The following CNTNAP5 variants were observed in gnomAD, a reference collection of about 807,000 sequenced individuals.
CNTNAP5 encodes the protein contactin-associated protein-like 5.
Under a neutral mutation model 150.2 loss-of-function variants are expected in CNTNAP5, and 72 were observed. The ratio of observed to expected loss-of-function variants is 0.48; its 90% confidence interval spans 0.40 to 0.58. CNTNAP5 has a LOEUF of 0.58. Among genes scored for constraint, CNTNAP5 ranks in the 20% least tolerant of loss-of-function variants. The pLI, the probability that CNTNAP5 is intolerant of heterozygous loss-of-function variation, is 0.00. For synonymous variants in CNTNAP5, 672 were observed against 619.8 expected, an observed-to-expected ratio of 1.08 and a Z score of -1.25; for missense variants, 1,636 against 1,626.2, an observed-to-expected ratio of 1.01 and a Z score of -0.10.
At chr2:124,235,940 CTTATTTATTTATTTAT>C (rs60439622) in intron 2 of CNTNAP5, among the ~76,000 whole-genome samples, 19 of 145,128 alleles carry the variant, frequency 1.3e-4, no homozygotes, top group East Asian at 4.1e-4. Context: ...CAAGTTCCCA[CTTATTTATTTATTTAT>C]TTATTTATTT....
chr2:124,115,886 T>C (rs1282522691), intron 1 of CNTNAP5, among the ~76,000 whole-genome samples: 1 of 151,562 alleles, frequency 6.6e-6, no homozygotes, highest in Non-Finnish European at 1.5e-5. Context: ...CAAGCTATTC[T>C]TCTGCCTCAG....
At chr2:124,676,149 G>C (rs954754472) in intron 13 of CNTNAP5, among the ~76,000 whole-genome samples, 1 of 152,106 alleles carries the variant, frequency 6.6e-6, no homozygotes, top group African/African-American at 2.4e-5. Context: ...TTTCTTAAAT[G>C]CCCTGAACCA....
rs1174498793 is a variant in CNTNAP5, at chr2:124,527,902, T to G, written c.1649+446T>G. ...CCCGAAATGCCCAATAACACACAAC[T>G]ACTCCTGGGTTTGGCTGGTTTTTGC... On this transcript the variant is annotated intron_variant, in intron 10 of 23. Transcript: ENST00000682447. 2.0e-5 allele frequency among the ~76,000 whole-genome samples: 3 copies of G among 152,128 alleles called. No individual in the cohort carries two copies. In the East Asian group the frequency reaches 5.8e-4, roughly 29 times the overall value.
intron 6 of CNTNAP5, among the ~76,000 whole-genome samples, chr2:124,456,730 T>C (rs1279632698): frequency 1.3e-5 from 2 of 152,102 alleles, no homozygotes; most frequent in Admixed American, 6.6e-5. Flanking sequence ...CATCCACCAA[T>C]GGAACAGAAT....
chr2:124,725,036 T>C (rs995878406), intron 13 of CNTNAP5, among the ~76,000 whole-genome samples: 1 of 151,140 alleles, frequency 6.6e-6, no homozygotes, highest in African/African-American at 2.4e-5. Context: ...ATTGAGGACA[T>C]TTTCCGGCAA....
chr2:124,427,817 C>T (rs761286333), intron 4 of CNTNAP5, among the ~76,000 whole-genome samples: 23 of 151,978 alleles, frequency 1.5e-4, no homozygotes, highest in South Asian at 6.2e-4. Flanking sequence ...ACTCTAGTTC[C>T]GACCTGTTGA....
At chr2:124,072,324 A>G (rs1682327149) in intron 1 of CNTNAP5, among the ~76,000 whole-genome samples, 1 of 152,012 alleles carries the variant, frequency 6.6e-6, no homozygotes, top group South Asian at 2.1e-4. Flanking sequence ...GGAAAAAAAT[A>G]CAAGGATACC....
At chr2:124,891,051 G>A (rs1678184194) in intron 21 of CNTNAP5, among the ~76,000 whole-genome samples, 2 of 152,122 alleles carry the variant, frequency 1.3e-5, no homozygotes, top group South Asian at 4.1e-4. Context: ...TCATAATTTA[G>A]TAGCTTAAAC....
At chr2:124,797,149 A>G (rs1416742415) in intron 18 of CNTNAP5, among the ~76,000 whole-genome samples, 1 of 152,210 alleles carries the variant, frequency 6.6e-6, no homozygotes, top group African/African-American at 2.4e-5. Context: ...CCCATTCATC[A>G]GATAAGAAAA....
intron 3 of CNTNAP5, among the ~76,000 whole-genome samples, chr2:124,320,855 G>A (rs762196617): frequency 2.0e-5 from 3 of 152,186 alleles, no homozygotes; most frequent in Admixed American, 6.5e-5. Flanking sequence ...CTGGTGGACC[G>A]TGCATTTCTG....
At chr2:124,841,671 G>C (rs1682948210) in intron 19 of CNTNAP5, among the ~76,000 whole-genome samples, 1 of 152,028 alleles carries the variant, frequency 6.6e-6, no homozygotes, top group Non-Finnish European at 1.5e-5. Flanking sequence ...AGTGTCATGG[G>C]AGAAAGTCTG....
intron 13 of CNTNAP5, among the ~76,000 whole-genome samples, chr2:124,702,767 A>G (rs1679549728): frequency 6.6e-6 from 1 of 152,154 alleles, no homozygotes; most frequent in African/African-American, 2.4e-5. Flanking sequence ...AACTGAATTT[A>G]AGATGATTGT....
At chr2:124,884,627 C>T (rs1418953507) in intron 21 of CNTNAP5, among the ~76,000 whole-genome samples, 2 of 151,888 alleles carry the variant, frequency 1.3e-5, no homozygotes, top group Non-Finnish European at 2.9e-5. Flanking sequence ...TTGGGACAGG[C>T]ACATTTCCTA....
chr2:124,187,716 G>A (rs1420033809), intron 1 of CNTNAP5, among the ~76,000 whole-genome samples: 1 of 152,172 alleles, frequency 6.6e-6, no homozygotes, highest in African/African-American at 2.4e-5. Context: ...TTGACCTGTG[G>A]TAAGTTCACA....
chr2:124,380,184 G>C (rs1463303283), intron 3 of CNTNAP5, among the ~76,000 whole-genome samples: 1 of 152,034 alleles, frequency 6.6e-6, no homozygotes, highest in Admixed American at 6.6e-5. Flanking sequence ...GCTTAATAGT[G>C]TATTAAGATT....
chr2:124,874,848 T>C (rs954323729), intron 21 of CNTNAP5, among the ~76,000 whole-genome samples: 10 of 152,162 alleles, frequency 6.6e-5, no homozygotes, highest in Non-Finnish European at 1.5e-4. Context: ...AGCCAACGTT[T>C]GTTAATCTCC....
intron 1 of CNTNAP5, among the ~76,000 whole-genome samples, chr2:124,220,942 C>A (rs571862667): frequency 3.0e-4 from 45 of 152,206 alleles, no homozygotes; most frequent in Middle Eastern, 6.8e-3. Context: ...ATTGGATGGT[C>A]AGGATATCAG....
chr2:124,337,495 T>C (rs1289567901), intron 3 of CNTNAP5, among the ~76,000 whole-genome samples: 1 of 152,220 alleles, frequency 6.6e-6, no homozygotes, highest in Non-Finnish European at 1.5e-5. Context: ...TCTAGGGTTT[T>C]TATGGTTTTA....
At chr2:124,259,565 T>G (rs1687400605) in intron 3 of CNTNAP5, among the ~76,000 whole-genome samples, 1 of 152,204 alleles carries the variant, frequency 6.6e-6, no homozygotes, top group African/African-American at 2.4e-5. Context: ...TGGTGTGAGA[T>G]GGTATCTCAT....
Sources: allele counts gnomAD v4.1 joint callset (sites outside exome capture counted in the v4.1 genomes callset), GRCh38; gene constraint gnomAD v4.1.1; transcripts MANE v1.5; gene names NCBI Gene and HGNC (gene_info 2026-07-23, HGNC 2026-07-21).